The following PIEZO2 variants were observed in gnomAD, a reference collection of about 807,000 sequenced individuals.
PIEZO2 encodes the protein piezo-type mechanosensitive ion channel component 2.
Under a neutral mutation model 337.3 loss-of-function variants are expected in PIEZO2, and 172 were observed. The observed-to-expected ratio is 0.51, with a 90% CI of 0.45 to 0.58. The LOEUF is 0.58. Ranked by LOEUF, PIEZO2 falls within the 20% of genes least tolerant of loss-of-function variation. The pLI is 0.00. For missense variants in PIEZO2, 3,028 were observed against 3,391.3 expected, an observed-to-expected ratio of 0.89 and a Z score of 2.66; for synonymous variants, 1,251 against 1,228.5, an observed-to-expected ratio of 1.02 and a Z score of -0.38.
chr18:10,767,137 C>T lies in PIEZO2; in HGVS notation c.2946+3011G>A, dbSNP rs1217952136. Among the ~76,000 whole-genome samples the T allele has an allele frequency of 2.6e-5, 4 of 151,680 alleles. No homozygotes were observed. Among genetic ancestry groups the T allele is most frequent in the Non-Finnish European group, 4.4e-5 (3 of 67,990 alleles). ...CCTCACAGAGCTGTCCAATAGCCTTCGGAATTAGAAAGTAGCTGTGTATTT... is the reference window on the plus strand; with the variant it reads ...CCTCACAGAGCTGTCCAATAGCCTTTGGAATTAGAAAGTAGCTGTGTATTT... On this transcript the variant is annotated intron_variant, in intron 21 of 55. Transcript: ENST00000674853. This position sits in a 1 kb window ranked among gnomAD's most constrained non-coding sequence, Gnocchi z 4.2.
Position 10,886,341 on chromosome 18 carries a change from T to TACAC in PIEZO2, c.330-14927_330-14926insGTGT, listed in dbSNP as rs1430640136. On this transcript the variant is annotated intron_variant, in intron 4 of 55. Transcript: ENST00000674853. ...ATACATACATATATATATATATATA[T>TACAC]ATACACACACACACACACACATATA... Among the ~76,000 whole-genome samples, 85 of 12,678 alleles carry TACAC rather than the reference T, an allele frequency of 6.7e-3. 19 individuals carry two copies. The East Asian group carries it at 0.15, about 23-fold the overall frequency. The allele number at this position is 12,678 out of a possible 152,430, so 8.3% of individuals were successfully genotyped here.
intron 36 of PIEZO2, among the ~76,000 whole-genome samples, chr18:10,720,393 GTGTGTGTGTGTATGTGTATGTGTA>G (rs1387229469): frequency 4.4e-4 from 14 of 31,592 alleles, no homozygotes; most frequent in South Asian, 1.5e-3. Flanking sequence ...GTGTGTGTGT[GTGTGTGTGTGTATGTGTATGTGTA>G]TGTATATATA....
In PIEZO2 at chr18:11,149,053, G is replaced by A. The variant is rs2040885281; in HGVS notation, c.-465C>T. Reference sequence around the variant, plus strand: ...CGGCCGGGGAGTTTTCTACTTGGAAGCCCCTCTGAAGCCACCGCGTCTCCT... The same window carrying A: ...CGGCCGGGGAGTTTTCTACTTGGAAACCCCTCTGAAGCCACCGCGTCTCCT... On this transcript the variant is annotated 5_prime_UTR_variant, in exon 1 of 56. Coordinates refer to ENST00000674853, the MANE Select transcript of PIEZO2 (RefSeq NM_001378183.1). The surrounding 1 kb of genome is among the most constrained non-coding windows in gnomAD (Gnocchi z 8.7). Among the ~76,000 whole-genome samples, 1 of 152,022 alleles carries A rather than the reference G, an allele frequency of 6.6e-6. No homozygotes were observed. Among genetic ancestry groups the A allele is most frequent in the African/African-American group, 2.4e-5 (1 of 41,414 alleles).
chr18:10,782,371 T>TTC (rs2039043118), intron 17 of PIEZO2, among the ~76,000 whole-genome samples: 1 of 48,758 alleles, frequency 2.1e-5, no homozygotes, highest in East Asian at 7.2e-4. Flanking sequence ...ATATAAATAA[T>TTC]TATAATATAT....
chr18:11,132,785 T>A lies in PIEZO2; in HGVS notation c.64+15740A>T, dbSNP rs1392826902. The stretch of plus-strand genomic sequence containing the variant: ...ACAGGCTAAGAAGGGAGTTACAGTG[T>A]TGGCTGCGGTGACTGACCCAGAATC... On this transcript the variant is annotated intron_variant, in intron 1 of 55. Coordinates refer to ENST00000674853, the MANE Select transcript of PIEZO2 (RefSeq NM_001378183.1). The surrounding 1 kb of genome is among the most constrained non-coding windows in gnomAD (Gnocchi z 4.7). Among the ~76,000 whole-genome samples the A allele has an allele frequency of 6.6e-6, 1 of 152,190 alleles. No individual in the cohort carries two copies. Among genetic ancestry groups the A allele is most frequent in the Admixed American group, 6.5e-5 (1 of 15,276 alleles).
intron 8 of PIEZO2, among the ~76,000 whole-genome samples, chr18:10,805,772 C>T (rs569856592): frequency 2.3e-4 from 35 of 152,332 alleles, no homozygotes; most frequent in African/African-American, 8.4e-4. Flanking sequence ...ACCCTGCTAA[C>T]AAGGATGGCC....
At chr18:10,699,916 A>G (rs781011346) in intron 43 of PIEZO2, among the ~76,000 whole-genome samples, 2 of 152,204 alleles carry the variant, frequency 1.3e-5, no homozygotes, top group Non-Finnish European at 2.9e-5. Context: ...TCGTACATGG[A>G]GGACAAGAGC....
In PIEZO2 at chr18:11,143,643, T is replaced by TCC; in HGVS notation, c.64+4881_64+4882insGG. 7.6e-6 allele frequency among the ~76,000 whole-genome samples: 1 copy of TCC among 131,096 alleles called. No homozygotes were observed. The highest frequency in any genetic ancestry group is 2.5e-4 in the South Asian group (1 of 4,070). 86.0% of individuals were successfully genotyped at this position (131,096 alleles called of 152,430 possible). ...CACACACACACACACACACACACTC[T>TCC]CTCTCTCTCTCTCTCTCTCTCTCTC... On this transcript the variant is annotated intron_variant, in intron 1 of 55. Coordinates refer to ENST00000674853, the MANE Select transcript of PIEZO2 (RefSeq NM_001378183.1). This position sits in a 1 kb window ranked among gnomAD's most constrained non-coding sequence, Gnocchi z 4.9.
intron 39 of PIEZO2, among the ~76,000 whole-genome samples, chr18:10,709,835 C>T (rs537387248): frequency 6.6e-6 from 1 of 152,366 alleles, no homozygotes; most frequent in South Asian, 2.1e-4. Context: ...TGTGAGCAAC[C>T]AAAATACTCT....
chr18:11,145,274 T>G (rs1479759949), intron 1 of PIEZO2, among the ~76,000 whole-genome samples: 1 of 152,208 alleles, frequency 6.6e-6, no homozygotes, highest in Non-Finnish European at 1.5e-5. Flanking sequence ...GTTTTGCTTT[T>G]AACACTCACG....
At chr18:10,681,538 C>A in intron 51 of PIEZO2, 123 bp downstream of exon 51, 1 of 741,576 alleles carries the variant, frequency 1.3e-6, no homozygotes, top group Non-Finnish European at 2.3e-6. Context: ...CTCTATGTAA[C>A]TGATAAACCC....
At chr18:11,072,667 A>G (rs552139260) in intron 1 of PIEZO2, among the ~76,000 whole-genome samples, 1 of 152,358 alleles carries the variant, frequency 6.6e-6, no homozygotes, top group Admixed American at 6.5e-5. Context: ...TTCTTTTTAC[A>G]TGTGAAGAAG....
intron 4 of PIEZO2, among the ~76,000 whole-genome samples, chr18:10,902,847 T>A (rs976270916): frequency 1.3e-5 from 2 of 152,116 alleles, no homozygotes; most frequent in Non-Finnish European, 2.9e-5. Flanking sequence ...GGAGAAGAGA[T>A]AGAAGACAAG....
At chr18:11,024,938 G>A (rs964176823) in intron 2 of PIEZO2, among the ~76,000 whole-genome samples, 3 of 149,710 alleles carry the variant, frequency 2.0e-5, no homozygotes, top group Admixed American at 6.6e-5. Flanking sequence ...CGTGCCCAGC[G>A]AAGGTTTTTT....
At chr18:10,886,014 G>A (rs1266665110) in intron 4 of PIEZO2, among the ~76,000 whole-genome samples, 2 of 151,852 alleles carry the variant, frequency 1.3e-5, no homozygotes, top group Admixed American at 6.6e-5. Context: ...GCCAGAATCC[G>A]AAGAAAACCT....
chr18:10,885,811 C>A (rs187848449), intron 4 of PIEZO2, among the ~76,000 whole-genome samples: 232 of 152,250 alleles, frequency 1.5e-3, no homozygotes, highest in African/African-American at 5.0e-3. Flanking sequence ...GTAAACCAAG[C>A]TATTTGCTCT....
In PIEZO2 at chr18:10,862,736, T is replaced by C. The variant is rs190649722; in HGVS notation, c.493-5525A>G. Among the ~76,000 whole-genome samples the C allele has an allele frequency of 6.6e-6, 1 of 152,364 alleles. No homozygotes were observed. Among genetic ancestry groups the C allele is most frequent in the African/African-American group, 2.4e-5 (1 of 41,580 alleles). Reference sequence around the variant, plus strand: ...TGGGAATGAATTCCAGGAAGCTGTATGATTAAAGTACTCTCTGGGGTGACC... The same window carrying C: ...TGGGAATGAATTCCAGGAAGCTGTACGATTAAAGTACTCTCTGGGGTGACC... On this transcript the variant is annotated intron_variant, in intron 5 of 55. Transcript: ENST00000674853. This position sits in a 1 kb window ranked among gnomAD's most constrained non-coding sequence, Gnocchi z 4.4.
At chr18:10,814,239 G>A (rs887019900) in intron 7 of PIEZO2, among the ~76,000 whole-genome samples, 4 of 152,004 alleles carry the variant, frequency 2.6e-5, no homozygotes, top group Admixed American at 2.0e-4. Flanking sequence ...AAAGTGCTAG[G>A]ATTACAGGCA....
At chr18:10,974,161 C>CA (rs2034347712) in intron 3 of PIEZO2, among the ~76,000 whole-genome samples, 1 of 152,178 alleles carries the variant, frequency 6.6e-6, no homozygotes, top group Non-Finnish European at 1.5e-5. Context: ...GTCTGTCCCT[C>CA]AGTCTTCTTG....
Sources: gnomAD v4.1 joint callset for allele counts (sites outside exome capture counted in the v4.1 genomes callset) on GRCh38, gnomAD v4.1.1 for gene constraint, Gnocchi (gnomAD v3.1) non-coding constraint, MANE v1.5 for transcripts, NCBI Gene and HGNC (gene_info 2026-07-23, HGNC 2026-07-21) for gene names.